Variants in CAMTA1 observed in about 807,000 individuals in gnomAD.
The protein encoded by CAMTA1 is calmodulin binding transcription activator 1, also known as calmodulin-binding transcription activator 1.
In CAMTA1, 27 loss-of-function variants were observed where a neutral mutation model predicts 170.9. The observed-to-expected ratio is 0.16, with a 90% confidence interval of 0.12 to 0.22. The LOEUF is 0.22. Among genes scored for constraint, CAMTA1 ranks in the 10% least tolerant of loss-of-function variants. The probability of loss-of-function intolerance (pLI) is 1.00; values close to 1 mark genes in which losing one functional copy is unlikely to be tolerated. For synonymous variants in CAMTA1, 833 were observed against 891.5 expected (o/e 0.93, Z 1.17); for missense variants, 1,619 against 2,217.2 (o/e 0.73, Z 5.42).
chr1:7,546,980 C>T (rs1398510836), intron 6 of CAMTA1, among the ~76,000 whole-genome samples: 1 of 152,138 alleles, frequency 6.6e-6, no homozygotes, highest in Non-Finnish European at 1.5e-5. Flanking sequence ...TGCAAGTATT[C>T]CCCATCAGAC....
intron 6 of CAMTA1, among the ~76,000 whole-genome samples, chr1:7,469,190 C>CT (rs746401864): frequency 2.0e-5 from 3 of 152,222 alleles, no homozygotes; most frequent in African/African-American, 4.8e-5. Context: ...ATCAGTTTCC[C>CT]TGGCTCTGCC....
chr1:7,107,710 C>G (rs1643752479), intron 4 of CAMTA1, among the ~76,000 whole-genome samples: 1 of 152,166 alleles, frequency 6.6e-6, no homozygotes, highest in South Asian at 2.1e-4. Context: ...CCCAGATCTG[C>G]TCCCTGAGCT....
intron 6 of CAMTA1, among the ~76,000 whole-genome samples, chr1:7,504,800 G>A (rs188450080): frequency 2.0e-5 from 3 of 152,370 alleles, no homozygotes; most frequent in Admixed American, 2.0e-4. Context: ...TTTCCTAGAG[G>A]GCATGGACAT....
chr1:7,042,431 C>A (rs894671762), intron 3 of CAMTA1, among the ~76,000 whole-genome samples: 1 of 152,216 alleles, frequency 6.6e-6, no homozygotes, highest in African/African-American at 2.4e-5. Context: ...CCCTGCCTCT[C>A]CCTGTTCAGC....
intron 3 of CAMTA1, among the ~76,000 whole-genome samples, chr1:6,949,597 C>G: frequency 6.6e-6 from 1 of 152,196 alleles, no homozygotes; most frequent in East Asian, 1.9e-4. Context: ...CCCTTCAGAC[C>G]TTACCTCCTG....
At chr1:7,541,552 T>C (rs2094611013) in intron 6 of CAMTA1, among the ~76,000 whole-genome samples, 2 of 152,258 alleles carry the variant, frequency 1.3e-5, no homozygotes, top group East Asian at 1.9e-4. Flanking sequence ...CTCTGTTTGC[T>C]TGAAATTATT....
In CAMTA1 at chr1:6,953,857, G is replaced by A. The variant is rs571153179; in HGVS notation, c.234+128647G>A. ...GGCATAAACAGCCGGTGATGGGGTG[G>A]AAGTCCGTGAAACGACGGGTTTGCC... On this transcript the variant is annotated intron_variant, in intron 3 of 22. Transcript: ENST00000303635. Among the ~76,000 whole-genome samples, 106 of 152,216 alleles carry A rather than the reference G, an allele frequency of 7.0e-4. 1 individual carries two copies. The highest frequency in any genetic ancestry group is 1.3e-3 in the Non-Finnish European group (89 of 68,018).
intron 4 of CAMTA1, among the ~76,000 whole-genome samples, chr1:7,157,955 C>T (rs1053782600): frequency 6.6e-6 from 1 of 152,112 alleles, no homozygotes; most frequent in African/African-American, 2.4e-5. Context: ...GTCAGGAGAT[C>T]GAGACCATCC....
chr1:7,654,806 CCCACACACA>C (rs899669629), intron 7 of CAMTA1, among the ~76,000 whole-genome samples: 2 of 21,936 alleles, frequency 9.1e-5, no homozygotes, highest in East Asian at 3.3e-3. Flanking sequence ...TATACACACA[CCCACACACA>C]CCACACACAC....
rs535813993 is a variant in CAMTA1, at chr1:7,736,721, C to T, written c.3263+181C>T. Among the ~76,000 whole-genome samples the T allele has an allele frequency of 4.6e-5, 7 of 152,222 alleles. No homozygotes were observed. The highest frequency in any genetic ancestry group is 1.7e-4 in the African/African-American group (7 of 41,536). On this transcript the variant is annotated intron_variant, in intron 13 of 22. Coordinates refer to ENST00000303635, the MANE Select transcript of CAMTA1 (RefSeq NM_015215.4). The surrounding 1 kb of genome is among the most constrained non-coding windows in gnomAD (Gnocchi z 4.5). ...TTATAAACTTCTTCCCAAGAAATACCCAGAGAGATAAGAATTAAATGTTGG... is the reference window on the plus strand; with the variant it reads ...TTATAAACTTCTTCCCAAGAAATACTCAGAGAGATAAGAATTAAATGTTGG...
At chr1:7,232,854 C>T (rs1355808719) in intron 4 of CAMTA1, among the ~76,000 whole-genome samples, 1 of 152,076 alleles carries the variant, frequency 6.6e-6, no homozygotes, top group Non-Finnish European at 1.5e-5. Flanking sequence ...TCGCGTGCAG[C>T]CTTATTCCCT....
intron 3 of CAMTA1, among the ~76,000 whole-genome samples, chr1:6,924,873 T>C (rs1440468381): frequency 6.6e-6 from 1 of 152,224 alleles, no homozygotes; most frequent in African/African-American, 2.4e-5. Flanking sequence ...TTTGATGAAC[T>C]CTGGCAGCCC....
intron 6 of CAMTA1, among the ~76,000 whole-genome samples, chr1:7,606,287 G>A (rs1281681395): frequency 6.6e-6 from 1 of 152,172 alleles, no homozygotes; most frequent in African/African-American, 2.4e-5. Context: ...AGTGGCTGGG[G>A]CAGGGCCTGA....
At chr1:6,788,867 A>G (rs867522824) in intron 1 of CAMTA1, among the ~76,000 whole-genome samples, 2 of 152,196 alleles carry the variant, frequency 1.3e-5, no homozygotes, top group Non-Finnish European at 2.9e-5. Context: ...TGGTCGCCAC[A>G]GATGATTGGA....
At chr1:7,074,676 T>C (rs1445941965) in intron 3 of CAMTA1, among the ~76,000 whole-genome samples, 1 of 152,234 alleles carries the variant, frequency 6.6e-6, no homozygotes, top group Non-Finnish European at 1.5e-5. Flanking sequence ...TATATCCAAG[T>C]GAAATGGTAG....
Position 7,050,328 on chromosome 1 carries a change from C to G in CAMTA1, c.235-40976C>G, listed in dbSNP as rs946053267. Among the ~76,000 whole-genome samples, 1 of 152,116 alleles carries G rather than the reference C, an allele frequency of 6.6e-6. No homozygotes were observed. Among genetic ancestry groups the G allele is most frequent in the Non-Finnish European group, 1.5e-5 (1 of 68,010 alleles). Reference sequence around the variant, plus strand: ...GTCTGTAGATAATAAGCTGCCTGCACCCTGAGCTACTCCAGAGACGGCATC... The same window carrying G: ...GTCTGTAGATAATAAGCTGCCTGCAGCCTGAGCTACTCCAGAGACGGCATC... On this transcript the variant is annotated intron_variant, in intron 3 of 22. Transcript: ENST00000303635. This position sits in a 1 kb window ranked among gnomAD's most constrained non-coding sequence, Gnocchi z 4.8.
intron 3 of CAMTA1, among the ~76,000 whole-genome samples, chr1:6,953,384 G>C (rs1481371973): frequency 6.6e-6 from 1 of 152,234 alleles, no homozygotes; most frequent in Non-Finnish European, 1.5e-5. Context: ...ATCTCAGTTG[G>C]TCTTTGTTCT....
chr1:7,732,590 C>T lies in CAMTA1; in HGVS notation c.3057C>T (p.Ser1019=), dbSNP rs1462332153. Reference sequence around the variant, plus strand: ...GCAGCGGGAGCGGGAATGGAGGGAGCCAGGCACAGGTACGAGGCGGTGCTG... The same window carrying T: ...GCAGCGGGAGCGGGAATGGAGGGAGTCAGGCACAGGTACGAGGCGGTGCTG... The part of the protein sequence containing the change: ...GGGSGSGNGG[S]QAQCASGTGA... Residue 1019 remains serine, a synonymous_variant, in exon 12 of 23, where the codon AGC becomes AGT. Coordinates refer to ENST00000303635, the MANE Select transcript of CAMTA1 (RefSeq NM_015215.4). This position sits in a 1 kb window ranked among gnomAD's most constrained non-coding sequence, Gnocchi z 4.1. The T allele has an allele frequency of 1.9e-6, 3 of 1,605,798 alleles. No individual in the cohort carries two copies. Among genetic ancestry groups the T allele is most frequent in the East Asian group, 2.2e-5 (1 of 44,740 alleles).
intron 3 of CAMTA1, among the ~76,000 whole-genome samples, chr1:7,051,335 G>A (rs1489623374): frequency 3.3e-5 from 5 of 152,260 alleles, no homozygotes; most frequent in East Asian, 3.9e-4. Flanking sequence ...CACAGTGACC[G>A]TTCAGCCCCA....
Sources: allele counts gnomAD v4.1 joint callset (sites outside exome capture counted in the v4.1 genomes callset), GRCh38; gene constraint gnomAD v4.1.1; non-coding constraint Gnocchi (gnomAD v3.1); transcripts MANE v1.5; gene names NCBI Gene and HGNC (gene_info 2026-07-23, HGNC 2026-07-21).